PCSK5: variants seen among roughly 807,000 people sequenced by gnomAD.
PCSK5 encodes the protein prohormone convertase 5.
Under a neutral mutation model 233.2 loss-of-function variants are expected in PCSK5, and 129 were observed. The observed-to-expected ratio is 0.55, with a 90% CI of 0.48 to 0.64. PCSK5 has a LOEUF of 0.64. Ranked by LOEUF, PCSK5 falls within the 30% of genes least tolerant of loss-of-function variation. PCSK5 has a pLI of 0.00. For synonymous variants in PCSK5, 825 were observed against 879.2 expected, an observed-to-expected ratio of 0.94 and a Z score of 1.09; for missense variants, 2,076 against 2,430.1, an observed-to-expected ratio of 0.85 and a Z score of 3.06.
chr9:76,196,168 G>A (rs559252013), intron 20 of PCSK5, among the ~76,000 whole-genome samples: 1 of 152,238 alleles, frequency 6.6e-6, no homozygotes. Context: ...GCTTGGTATT[G>A]TTTCTATCAG....
intron 5 of PCSK5, among the ~76,000 whole-genome samples, chr9:76,047,850 C>T (rs1352579537): frequency 2.0e-5 from 3 of 152,062 alleles, no homozygotes; most frequent in Non-Finnish European, 4.4e-5. Flanking sequence ...ATAGAGCATG[C>T]AGCTATAGTC....
intron 1 of PCSK5, among the ~76,000 whole-genome samples, chr9:75,901,512 C>G (rs968352180): frequency 2.6e-5 from 4 of 151,810 alleles, no homozygotes; most frequent in Non-Finnish European, 4.4e-5. Flanking sequence ...GGACAGATAC[C>G]TAATGCATGC....
chr9:76,331,697 A>T (rs976865113), intron 33 of PCSK5, among the ~76,000 whole-genome samples: 19 of 149,542 alleles, frequency 1.3e-4, no homozygotes, highest in African/African-American at 4.7e-4. Context: ...ATGCCAGGGG[A>T]TCAGAGTCAG....
At chr9:76,217,477 A>G (rs1825578623) in intron 20 of PCSK5, among the ~76,000 whole-genome samples, 2 of 152,276 alleles carry the variant, frequency 1.3e-5, no homozygotes, top group South Asian at 4.1e-4. Flanking sequence ...CCATCTGGCC[A>G]TTTTCTTAGC....
chr9:76,162,770 C>A (rs2131826860), intron 12 of PCSK5, among the ~76,000 whole-genome samples: 1 of 152,218 alleles, frequency 6.6e-6, no homozygotes, highest in South Asian at 2.1e-4. Flanking sequence ...ATGTTGGCTT[C>A]TTGTGGCAGA....
chr9:76,021,026 A>G (rs1180842213), intron 3 of PCSK5, among the ~76,000 whole-genome samples: 2 of 151,868 alleles, frequency 1.3e-5, no homozygotes, highest in African/African-American at 2.4e-5. Context: ...AAACGGAGGC[A>G]TTTCAGAAAT....
At chr9:76,090,859 C>T (rs577945533) in intron 7 of PCSK5, among the ~76,000 whole-genome samples, 99 of 152,204 alleles carry the variant, frequency 6.5e-4, no homozygotes, top group African/African-American at 2.3e-3. Context: ...AGCTTGTTTT[C>T]CTGCAGCTAA....
intron 9 of PCSK5, among the ~76,000 whole-genome samples, chr9:76,109,879 G>A (rs953135030): frequency 1.3e-5 from 2 of 152,198 alleles, no homozygotes; most frequent in African/African-American, 4.8e-5. Context: ...TATTAAATTA[G>A]CATCAATAAG....
intron 7 of PCSK5, among the ~76,000 whole-genome samples, chr9:76,090,424 C>T (rs748402632): frequency 9.2e-5 from 14 of 152,138 alleles, no homozygotes; most frequent in Non-Finnish European, 1.9e-4. Context: ...TCTTTAGCAG[C>T]TGTCTTGATG....
intron 9 of PCSK5, among the ~76,000 whole-genome samples, chr9:76,130,058 G>A (rs910478663): frequency 1.1e-4 from 17 of 152,172 alleles, no homozygotes; most frequent in African/African-American, 3.9e-4. Flanking sequence ...ATAATGGTAT[G>A]CAATAATACA....
chr9:76,293,022 T>C (rs1828325245), intron 25 of PCSK5, among the ~76,000 whole-genome samples: 1 of 152,212 alleles, frequency 6.6e-6, no homozygotes, highest in African/African-American at 2.4e-5. Flanking sequence ...CACAGGAGGA[T>C]GTTAATCTCC....
At chr9:76,206,580 G>A (rs187466168) in intron 20 of PCSK5, among the ~76,000 whole-genome samples, 12 of 152,324 alleles carry the variant, frequency 7.9e-5, no homozygotes, top group Admixed American at 1.3e-4. Context: ...CTGTCCAGTG[G>A]TGTCCTGTCC....
rs1490832556 is a variant in PCSK5, at chr9:76,162,975, C to T, written c.1619+3804C>T. Among the ~76,000 whole-genome samples the T allele has an allele frequency of 2.0e-5, 3 of 152,270 alleles. No homozygotes were observed. In the East Asian group the frequency reaches 5.8e-4, roughly 29 times the overall value. On this transcript the variant is annotated intron_variant, in intron 12 of 37. Coordinates refer to ENST00000674117, the MANE Select transcript of PCSK5 (RefSeq NM_001372043.1). ...CGTGTTGGCTCCTGGGAGAAGGAAC[C>T]AGAATCTGGAGGCTCACTTGGCATC...
intron 1 of PCSK5, among the ~76,000 whole-genome samples, chr9:75,920,353 A>T (rs916761794): frequency 3.3e-5 from 5 of 152,090 alleles, no homozygotes; most frequent in South Asian, 4.2e-4. Context: ...TGCTGTGGTG[A>T]TCAGAGCTCA....
chr9:76,189,037 G>T, intron 18 of PCSK5, 57 bp from the exon 19 acceptor site: 1 of 1,546,448 alleles, frequency 6.5e-7, no homozygotes, highest in Non-Finnish European at 8.8e-7. Flanking sequence ...AGAAGCCCAT[G>T]ACACCACCTC....
intron 2 of PCSK5, among the ~76,000 whole-genome samples, chr9:75,971,227 TC>T (rs774793686): frequency 6.6e-6 from 1 of 152,162 alleles, no homozygotes; most frequent in Non-Finnish European, 1.5e-5. Context: ...GATAATGACT[TC>T]CAGGTCCATC....
At chr9:76,067,638 A>G (rs548639956) in intron 5 of PCSK5, among the ~76,000 whole-genome samples, 5 of 152,372 alleles carry the variant, frequency 3.3e-5, no homozygotes, top group Non-Finnish European at 5.9e-5. Context: ...GGTAGCACAT[A>G]TATCCAGTGA....
At chr9:76,171,834 A>G (rs895936025) in intron 13 of PCSK5, among the ~76,000 whole-genome samples, 41 of 152,200 alleles carry the variant, frequency 2.7e-4, no homozygotes, top group African/African-American at 9.7e-4. Context: ...AGACTTTAAT[A>G]GAAACATATA....
chr9:75,973,301 T>C (rs1261817439), intron 2 of PCSK5, among the ~76,000 whole-genome samples: 1 of 152,182 alleles, frequency 6.6e-6, no homozygotes, highest in Non-Finnish European at 1.5e-5. Context: ...AAAACTTCAT[T>C]GGTCTGTCAT....
Sources: allele counts gnomAD v4.1 joint callset (sites outside exome capture counted in the v4.1 genomes callset), GRCh38; gene constraint gnomAD v4.1.1; transcripts MANE v1.5; gene names NCBI Gene and HGNC (gene_info 2026-07-23, HGNC 2026-07-21).